The following FMN2 variants were observed in gnomAD, a reference collection of about 807,000 sequenced individuals.
FMN2 encodes the protein formin-2.
A neutral mutation model predicts 142.3 loss-of-function variants in FMN2; 51 were observed. That is an observed-to-expected ratio of 0.36 (90% CI 0.29 to 0.45). FMN2 has a LOEUF of 0.45. Among genes scored for constraint, FMN2 ranks in the 20% least tolerant of loss-of-function variants. The pLI, the probability that FMN2 is intolerant of heterozygous loss-of-function variation, is 1.00. For missense variants in FMN2, 1,936 were observed against 2,122.8 expected (o/e 0.91, Z 1.73); for synonymous variants, 882 against 869.8 (o/e 1.01, Z -0.25).
At chr1:240,130,042 TCTC>T (rs1662673645) in intron 2 of FMN2, among the ~76,000 whole-genome samples, 1 of 152,216 alleles carries the variant, frequency 6.6e-6, no homozygotes, top group Admixed American at 6.5e-5. Context: ...ACTATTAGTG[TCTC>T]TACTTTTGCC....
At chr1:240,303,676 C>A (rs1411718827) in intron 8 of FMN2, among the ~76,000 whole-genome samples, 1 of 152,044 alleles carries the variant, frequency 6.6e-6, no homozygotes, top group African/African-American at 2.4e-5. Context: ...GTTCATTAAG[C>A]TTCTTGGATG....
At chr1:240,253,929 AG>A (rs1419677701) in intron 6 of FMN2, among the ~76,000 whole-genome samples, 2 of 151,922 alleles carry the variant, frequency 1.3e-5, no homozygotes, top group Admixed American at 6.6e-5. Flanking sequence ...GTCATGGTAA[AG>A]TTTTGCTGGT....
intron 14 of FMN2, among the ~76,000 whole-genome samples, chr1:240,375,350 C>T (rs1390007222): frequency 1.3e-5 from 2 of 151,918 alleles, no homozygotes; most frequent in East Asian, 3.9e-4. Flanking sequence ...TGCCGATCTT[C>T]AATATGTAAA....
chr1:240,105,848 G>T (rs920464585), intron 1 of FMN2, among the ~76,000 whole-genome samples: 1 of 152,070 alleles, frequency 6.6e-6, no homozygotes, highest in Non-Finnish European at 1.5e-5. Context: ...AGATTTTAAA[G>T]GTAGTGCTTT....
In FMN2 at chr1:240,146,774, C is replaced by T. The variant is rs181956045; in HGVS notation, c.1782+23429C>T. ...ATAAAACATTCACTTTCCTTATAGA[C>T]TGTTTTGAATTTATTTAGGAACTTG... On this transcript the variant is annotated intron_variant, in intron 2 of 17. Coordinates refer to ENST00000319653, the MANE Select transcript of FMN2 (RefSeq NM_020066.5). 3.6e-3 allele frequency among the ~76,000 whole-genome samples: 544 copies of T among 152,068 alleles called. 2 individuals carry two copies. Among genetic ancestry groups the T allele is most frequent in the African/African-American group, 0.012 (481 of 41,476 alleles).
chr1:240,163,789 A>T (rs1421891697), intron 2 of FMN2, among the ~76,000 whole-genome samples: 1 of 151,530 alleles, frequency 6.6e-6, no homozygotes, highest in Non-Finnish European at 1.5e-5. Flanking sequence ...TGTCTTTTGG[A>T]TTTATCAATT....
chr1:240,101,114 G>A (rs553629184), intron 1 of FMN2, among the ~76,000 whole-genome samples: 31 of 152,248 alleles, frequency 2.0e-4, no homozygotes, highest in Non-Finnish European at 3.4e-4. Context: ...TCCCTTTTCC[G>A]TTTTACCACC....
At chr1:240,365,640 A>C (rs1672644084) in intron 14 of FMN2, among the ~76,000 whole-genome samples, 1 of 152,180 alleles carries the variant, frequency 6.6e-6, no homozygotes, top group Admixed American at 6.5e-5. Context: ...ACACTGAATT[A>C]GTGAATATGG....
intron 15 of FMN2, among the ~76,000 whole-genome samples, chr1:240,432,038 G>T (rs9660485): frequency 0.76 from 115,933 of 151,750 alleles, 45,450 homozygotes; most frequent in Middle Eastern, 0.89. Context: ...ATGAGTTAGT[G>T]TAAGATTGGC....
intron 2 of FMN2, chr1:240,144,564 G>T (rs547275948): frequency 5.6e-5 from 78 of 1,388,440 alleles, no homozygotes; most frequent in Non-Finnish European, 7.8e-5. Context: ...ATGTCATTGC[G>T]CATCAGTGCC....
At chr1:240,401,510 T>C (rs1673990012) in intron 15 of FMN2, among the ~76,000 whole-genome samples, 1 of 152,218 alleles carries the variant, frequency 6.6e-6, no homozygotes, top group African/African-American at 2.4e-5. Flanking sequence ...TGAGATTCTG[T>C]TTTTATCTCA....
intron 2 of FMN2, among the ~76,000 whole-genome samples, chr1:240,138,641 C>T (rs368762948): frequency 4.0e-4 from 61 of 151,978 alleles, no homozygotes; most frequent in African/African-American, 1.2e-3. Flanking sequence ...AAGGAGCTGG[C>T]GGTTGCAGTG....
chr1:240,342,065 TTATC>T (rs1427903085), intron 13 of FMN2, among the ~76,000 whole-genome samples: 2 of 152,342 alleles, frequency 1.3e-5, no homozygotes, highest in South Asian at 2.1e-4. Context: ...GCCAAGATCT[TTATC>T]TATTCCTCCA....
chr1:240,442,910 G>A (rs1354219239), intron 16 of FMN2, among the ~76,000 whole-genome samples: 1 of 152,220 alleles, frequency 6.6e-6, no homozygotes, highest in East Asian at 1.9e-4. Context: ...TCAAGAGTCA[G>A]TTTCCTAATC....
At chr1:240,105,802 GTTTA>G (rs774443455) in intron 1 of FMN2, among the ~76,000 whole-genome samples, 2 of 152,082 alleles carry the variant, frequency 1.3e-5, no homozygotes, top group African/African-American at 2.4e-5. Context: ...TAAATGTAAA[GTTTA>G]TTTAGTAAAA....
At chr1:240,325,353 A>AAAAAAT (rs1671132146) in intron 8 of FMN2, among the ~76,000 whole-genome samples, 1 of 151,818 alleles carries the variant, frequency 6.6e-6, no homozygotes, top group Non-Finnish European at 1.5e-5. Context: ...CAAAAAAAAA[A>AAAAAAT]AAAAAAAGAG....
chr1:240,097,357 CTTTT>C (rs534995077), intron 1 of FMN2, among the ~76,000 whole-genome samples: 2 of 131,124 alleles, frequency 1.5e-5, no homozygotes, highest in Non-Finnish European at 1.6e-5. Context: ...TTATAGCTGC[CTTTT>C]TTTTTTTTTT....
At position 240,140,699 on chromosome 1, in the gene FMN2, A is replaced by C. The variant is rs948258511; in HGVS notation, c.1782+17354A>C. 2.6e-5 allele frequency among the ~76,000 whole-genome samples: 4 copies of C among 152,296 alleles called. No homozygotes were observed. The East Asian group carries it at 5.8e-4, about 22-fold the overall frequency. ...TGGGAAGTCTCTTCCATTTTGCAGA[A>C]GTTTTCAAGGTATTTCCTGATTTGC... On this transcript the variant is annotated intron_variant, in intron 2 of 17. Transcript: ENST00000319653.
chr1:240,388,070 C>G (rs561557131), intron 14 of FMN2, among the ~76,000 whole-genome samples: 210 of 149,482 alleles, frequency 1.4e-3, no homozygotes, highest in African/African-American at 4.9e-3. Context: ...CCCAGCTACT[C>G]AGGAGGCTGA....
Sources: allele counts gnomAD v4.1 joint callset (sites outside exome capture counted in the v4.1 genomes callset), GRCh38; gene constraint gnomAD v4.1.1; transcripts MANE v1.5; gene names NCBI Gene and HGNC (gene_info 2026-07-23, HGNC 2026-07-21).